RANBP2: variants seen among roughly 807,000 people sequenced by gnomAD.
The protein encoded by RANBP2 is E3 SUMO-protein ligase RanBP2.
A neutral mutation model predicts 303.6 loss-of-function variants in RANBP2; 57 were observed. That is an observed-to-expected ratio of 0.19 (90% CI 0.15 to 0.23). The LOEUF (loss-of-function observed/expected upper bound fraction) is 0.23. Ranked by LOEUF, RANBP2 falls within the 10% of genes least tolerant of loss-of-function variation. The pLI, the probability that RANBP2 is intolerant of heterozygous loss-of-function variation, is 1.00. For missense variants in RANBP2, 3,138 were observed against 3,780.8 expected, an observed-to-expected ratio of 0.83 and a Z score of 4.46; for synonymous variants, 1,167 against 1,301.5, an observed-to-expected ratio of 0.90 and a Z score of 2.23.
the RANBP2 span, among the ~76,000 whole-genome samples, chr2:109,170,525 T>C: frequency 6.6e-6 from 1 of 152,006 alleles, no homozygotes; most frequent in East Asian, 1.9e-4. Flanking sequence ...TTTGTATTTT[T>C]AGTAGAGATG....
chr2:109,053,882 C>G, the RANBP2 span, among the ~76,000 whole-genome samples: 1 of 152,140 alleles, frequency 6.6e-6, no homozygotes, highest in Non-Finnish European at 1.5e-5. Context: ...TGCCTGGCAC[C>G]GGCTCACAGG....
the RANBP2 span, among the ~76,000 whole-genome samples, chr2:109,704,085 G>T: frequency 6.6e-6 from 1 of 152,108 alleles, no homozygotes; most frequent in Non-Finnish European, 1.5e-5. Context: ...ATTGGCCCTG[G>T]GGTTGAAACT....
At chr2:108,809,445 ATGTTG>A in the RANBP2 span, among the ~76,000 whole-genome samples, 2 of 123,684 alleles carry the variant, frequency 1.6e-5, no homozygotes, top group South Asian at 3.0e-4. Context: ...TGAACATGAA[ATGTTG>A]TGTGTGTGTG....
At chr2:109,505,078 C>G in the RANBP2 span, among the ~76,000 whole-genome samples, 1 of 152,192 alleles carries the variant, frequency 6.6e-6, no homozygotes, top group African/African-American at 2.4e-5. Flanking sequence ...CTGGTCTTAC[C>G]CTTGTCTCTC....
the RANBP2 span, among the ~76,000 whole-genome samples, chr2:109,586,815 C>A: frequency 6.6e-6 from 1 of 152,160 alleles, no homozygotes; most frequent in African/African-American, 2.4e-5. Flanking sequence ...CATAACTCAG[C>A]AATCAGAAAG....
chr2:109,046,221 T>G, the RANBP2 span, among the ~76,000 whole-genome samples: 3 of 150,656 alleles, frequency 2.0e-5, no homozygotes, highest in African/African-American at 4.9e-5. Context: ...GAAGAATTGC[T>G]TGAACCCGGG....
the RANBP2 span, among the ~76,000 whole-genome samples, chr2:108,805,994 C>T: frequency 8.3e-6 from 1 of 120,172 alleles, no homozygotes; most frequent in Non-Finnish European, 1.9e-5. Flanking sequence ...GATTATGTAA[C>T]TTAAGCCTCA....
the RANBP2 span, chr2:109,129,353 CCCCGCCACGCAGGCCGG>C: frequency 1.5e-5 from 13 of 890,064 alleles, no homozygotes; most frequent in South Asian, 3.0e-5. Context: ...GCAGGCCGGT[CCCCGCCACGCAGGCCGG>C]TCGGTGAGCC....
chr2:109,434,563 C>T, the RANBP2 span, among the ~76,000 whole-genome samples: 59 of 152,358 alleles, frequency 3.9e-4, no homozygotes, highest in Admixed American at 7.8e-4. Context: ...GACTGCCTTC[C>T]ACCCTCTTCC....
the RANBP2 span, among the ~76,000 whole-genome samples, chr2:108,823,795 T>C: frequency 6.6e-6 from 1 of 152,034 alleles, no homozygotes; most frequent in African/African-American, 2.4e-5. Flanking sequence ...GCCTGGCCAA[T>C]GTGAAACTCC....
the RANBP2 span, among the ~76,000 whole-genome samples, chr2:109,077,084 A>G: frequency 6.6e-6 from 1 of 150,580 alleles, no homozygotes; most frequent in South Asian, 2.1e-4. Flanking sequence ...AAATAAGCTC[A>G]CGAAAATATG....
At chr2:108,871,157 AT>A in the RANBP2 span, among the ~76,000 whole-genome samples, 1 of 152,142 alleles carries the variant, frequency 6.6e-6, no homozygotes, top group African/African-American at 2.4e-5. Context: ...TTTTACAGAA[AT>A]GGCATGCATT....
the RANBP2 span, among the ~76,000 whole-genome samples, chr2:108,918,110 G>A: frequency 1.3e-5 from 2 of 152,304 alleles, no homozygotes; most frequent in East Asian, 3.9e-4. Context: ...AAAGAGAGCG[G>A]TCTGGGCTGA....
the RANBP2 span, among the ~76,000 whole-genome samples, chr2:109,364,073 C>T: frequency 6.6e-6 from 1 of 151,738 alleles, no homozygotes; most frequent in South Asian, 2.1e-4. Flanking sequence ...TCTTTCTTCT[C>T]CTTCTAGTAT....
chr2:108,752,757 C>G (rs1377111300), intron 12 of RANBP2, among the ~76,000 whole-genome samples: 1 of 151,198 alleles, frequency 6.6e-6, no homozygotes, highest in East Asian at 1.9e-4. Flanking sequence ...CACGCCACTG[C>G]ACTCCAGCCT....
At chr2:108,946,753 C>T in the RANBP2 span, among the ~76,000 whole-genome samples, 1 of 152,174 alleles carries the variant, frequency 6.6e-6, no homozygotes, top group Non-Finnish European at 1.5e-5. Context: ...ATCATGAGAA[C>T]ATCATGGGGG....
chr2:108,988,428 C>G, the RANBP2 span, among the ~76,000 whole-genome samples: 4 of 152,146 alleles, frequency 2.6e-5, no homozygotes, highest in Non-Finnish European at 5.9e-5. Flanking sequence ...GTACCCACTC[C>G]CCTCCTTCTC....
At chr2:109,296,489 G>C in the RANBP2 span, among the ~76,000 whole-genome samples, 1 of 151,944 alleles carries the variant, frequency 6.6e-6, no homozygotes, top group Non-Finnish European at 1.5e-5. Flanking sequence ...TGATCCACCC[G>C]CTTCAGCCTC....
the RANBP2 span, among the ~76,000 whole-genome samples, chr2:109,253,402 A>G: frequency 6.6e-6 from 1 of 152,180 alleles, no homozygotes; most frequent in East Asian, 1.9e-4. Flanking sequence ...GCCCCAGGAT[A>G]GGCTGTGTCC....
Sources: gnomAD v4.1 joint callset for allele counts (sites outside exome capture counted in the v4.1 genomes callset) on GRCh38, gnomAD v4.1.1 for gene constraint, MANE v1.5 for transcripts, NCBI Gene and HGNC (gene_info 2026-07-23, HGNC 2026-07-21) for gene names.